The following EPHA6 variants were observed in gnomAD, a reference collection of about 807,000 sequenced individuals.
EPHA6 encodes EPH receptor A6.
In EPHA6, 50 loss-of-function variants were observed where a neutral mutation model predicts 112.0. The observed-to-expected ratio is 0.45, with a 90% CI of 0.36 to 0.56. The LOEUF (loss-of-function observed/expected upper bound fraction) is 0.56. Ranked by LOEUF, EPHA6 falls within the 20% of genes least tolerant of loss-of-function variation. The probability of loss-of-function intolerance (pLI) is 0.00; values close to 1 mark genes in which losing one functional copy is unlikely to be tolerated. For synonymous variants in EPHA6, 529 were observed against 490.7 expected (o/e 1.08, Z -1.03); for missense variants, 1,280 against 1,417.4 (o/e 0.90, Z 1.56).
chr3:96,958,725 C>CAATAT (rs1461028775), intron 2 of EPHA6, among the ~76,000 whole-genome samples: 1 of 152,086 alleles, frequency 6.6e-6, no homozygotes, highest in Non-Finnish European at 1.5e-5. Context: ...TGGAATCATG[C>CAATAT]AATATATGTG....
At chr3:97,389,206 A>G (rs927112551) in intron 5 of EPHA6, among the ~76,000 whole-genome samples, 2 of 152,206 alleles carry the variant, frequency 1.3e-5, no homozygotes, top group Non-Finnish European at 1.5e-5. Context: ...AGCAAATGAT[A>G]TAATTCTAAA....
At chr3:96,875,396 C>G (rs756671805) in intron 2 of EPHA6, among the ~76,000 whole-genome samples, 1 of 152,138 alleles carries the variant, frequency 6.6e-6, no homozygotes, top group Non-Finnish European at 1.5e-5. Flanking sequence ...ATTTGTGTCA[C>G]TTCTTTCTCC....
At chr3:97,637,250 G>C (rs1239945391) in intron 13 of EPHA6, among the ~76,000 whole-genome samples, 2 of 151,968 alleles carry the variant, frequency 1.3e-5, no homozygotes, top group African/African-American at 4.8e-5. Flanking sequence ...TCATTTTTCT[G>C]TCAATTGCTA....
chr3:97,391,187 A>G (rs1360429798), intron 5 of EPHA6, among the ~76,000 whole-genome samples: 1 of 151,958 alleles, frequency 6.6e-6, no homozygotes, highest in African/African-American at 2.4e-5. Context: ...CATGGAGTAC[A>G]TAAATCAATT....
intron 14 of EPHA6, among the ~76,000 whole-genome samples, chr3:97,689,759 A>AC (rs907044594): frequency 3.3e-5 from 5 of 151,674 alleles, no homozygotes; most frequent in Admixed American, 6.6e-5. Flanking sequence ...ACATTGTCAC[A>AC]CCCCCCCTAA....
intron 3 of EPHA6, among the ~76,000 whole-genome samples, chr3:97,214,099 T>G (rs1023102669): frequency 1.3e-5 from 2 of 149,734 alleles, no homozygotes; most frequent in Non-Finnish European, 3.0e-5. Flanking sequence ...AGTGCAGTGG[T>G]GCAATCTCAG....
At chr3:97,077,785 G>A (rs924891331) in intron 3 of EPHA6, among the ~76,000 whole-genome samples, 3 of 151,840 alleles carry the variant, frequency 2.0e-5, no homozygotes, top group African/African-American at 7.3e-5. Context: ...TCTTAATCCA[G>A]TCTATCATTG....
chr3:97,310,132 T>G (rs2081487477), intron 5 of EPHA6, among the ~76,000 whole-genome samples: 1 of 151,516 alleles, frequency 6.6e-6, no homozygotes, highest in African/African-American at 2.4e-5. Context: ...TATCCCTCAC[T>G]CCCACCCCCA....
intron 3 of EPHA6, among the ~76,000 whole-genome samples, chr3:97,184,482 A>T (rs1343964361): frequency 6.6e-6 from 1 of 152,224 alleles, no homozygotes; most frequent in Non-Finnish European, 1.5e-5. Context: ...ACAGAGAATG[A>T]AATACCTGGC....
chr3:97,496,589 T>C (rs903707600), intron 10 of EPHA6, among the ~76,000 whole-genome samples: 1 of 152,144 alleles, frequency 6.6e-6, no homozygotes, highest in African/African-American at 2.4e-5. Flanking sequence ...TAAGAATATC[T>C]TCTTCTGGCA....
At chr3:97,696,117 T>C (rs7639535) in intron 14 of EPHA6, among the ~76,000 whole-genome samples, 1,783 of 152,310 alleles carry the variant, frequency 0.012, 27 homozygotes, top group African/African-American at 0.04. Flanking sequence ...CCAGACACCA[T>C]GGATTGCAAA....
At chr3:97,100,617 T>C (rs1356454977) in intron 3 of EPHA6, among the ~76,000 whole-genome samples, 1 of 141,416 alleles carries the variant, frequency 7.1e-6, no homozygotes, top group African/African-American at 2.9e-5. Context: ...GAGCAGAGAA[T>C]GGAGTTAGTA....
chr3:97,287,043 A>G (rs940285), intron 5 of EPHA6, among the ~76,000 whole-genome samples: 12,923 of 149,424 alleles, frequency 0.086, 1,044 homozygotes, highest in Admixed American at 0.22. Context: ...CTTTTCTGCT[A>G]GTTCATTATT....
chr3:97,056,990 G>T (rs1375162230), intron 3 of EPHA6, among the ~76,000 whole-genome samples: 1 of 152,142 alleles, frequency 6.6e-6, no homozygotes, highest in Admixed American at 6.6e-5. Flanking sequence ...TTGAGAAATA[G>T]TTTAAGTTTA....
At chr3:97,719,402 C>T (rs959969013) in intron 14 of EPHA6, among the ~76,000 whole-genome samples, 3 of 152,006 alleles carry the variant, frequency 2.0e-5, no homozygotes, top group Non-Finnish European at 4.4e-5. Flanking sequence ...CATCTAGTGG[C>T]GCTAGGGCTG....
At chr3:97,013,622 A>T (rs954598176) in intron 3 of EPHA6, among the ~76,000 whole-genome samples, 1 of 152,182 alleles carries the variant, frequency 6.6e-6, no homozygotes, top group Non-Finnish European at 1.5e-5. Flanking sequence ...ATGTACACTC[A>T]CATGGAGGCC....
At chr3:97,092,432 G>A (rs1464765827) in intron 3 of EPHA6, among the ~76,000 whole-genome samples, 1 of 152,026 alleles carries the variant, frequency 6.6e-6, no homozygotes, top group African/African-American at 2.4e-5. Flanking sequence ...TCTATAAATT[G>A]TCTTGGAGGA....
chr3:97,204,499 A>T (rs2077663604), intron 3 of EPHA6, among the ~76,000 whole-genome samples: 1 of 152,114 alleles, frequency 6.6e-6, no homozygotes, highest in Admixed American at 6.6e-5. Context: ...TCACAAAGTT[A>T]GTAAGTGGAT....
intron 2 of EPHA6, among the ~76,000 whole-genome samples, chr3:96,936,135 T>C (rs756379142): frequency 7.9e-5 from 12 of 152,072 alleles, no homozygotes; most frequent in Non-Finnish European, 1.5e-4. Context: ...AGGAGCCAGG[T>C]TGGAAAAGTT....
Sources: gnomAD v4.1 joint callset for allele counts (sites outside exome capture counted in the v4.1 genomes callset) on GRCh38, gnomAD v4.1.1 for gene constraint, MANE v1.5 for transcripts, NCBI Gene and HGNC (gene_info 2026-07-23, HGNC 2026-07-21) for gene names.